The following CCDC150 variants were observed in gnomAD, a reference collection of about 807,000 sequenced individuals.
CCDC150 encodes coiled-coil domain containing 150.
A neutral mutation model predicts 156.5 loss-of-function variants in CCDC150; 151 were observed. The ratio of observed to expected loss-of-function variants is 0.97; its 90% CI spans 0.85 to 1.10. CCDC150 has a LOEUF of 1.10. CCDC150 is among the 50% of genes least tolerant of loss of function. CCDC150 has a pLI of 0.00. For synonymous variants in CCDC150, 452 were observed against 429.4 expected (o/e 1.05, Z -0.65); for missense variants, 1,312 against 1,268.1 (o/e 1.03, Z -0.53).
chr2:196,706,496 C>G (rs1209187265), intron 15 of CCDC150, among the ~76,000 whole-genome samples: 1 of 152,166 alleles, frequency 6.6e-6, no homozygotes, highest in Admixed American at 6.5e-5. Context: ...TAATTGAATA[C>G]CCTTTATTTC....
In CCDC150 at chr2:196,665,640, A is replaced by G; in HGVS notation, c.719A>G (p.Lys240Arg). The G allele has an allele frequency of 6.2e-7, 1 of 1,603,342 alleles. No homozygotes were observed. The highest frequency in any genetic ancestry group is 8.5e-7 in the Non-Finnish European group (1 of 1,175,022). The change falls in exon 6 of 28, where the codon AAA (lysine) becomes AGA (arginine). Residue 240 changes from lysine to arginine, a missense_variant. Lys to Arg is a conservative substitution (Grantham distance 26). Transcript: ENST00000389175. ...LEKSASAMLL[K>R]IQEMGSTVEV... is the part of the protein sequence containing the mutation. ...AAATCAGCATCAGCCATGCTCCTCA[A>G]AATACAAGAAATGGGATCAACAGTG...
intron 2 of CCDC150, among the ~76,000 whole-genome samples, chr2:196,651,226 T>C (rs1692854728): frequency 1.3e-5 from 2 of 152,236 alleles, no homozygotes; most frequent in Admixed American, 1.3e-4. Context: ...TTACATGTTT[T>C]TATAATGTGT....
intron 13 of CCDC150, among the ~76,000 whole-genome samples, chr2:196,688,979 C>G (rs1337464367): frequency 1.3e-5 from 2 of 152,130 alleles, no homozygotes; most frequent in Non-Finnish European, 2.9e-5. Context: ...CCAGTTTTCC[C>G]AGCACCATTT....
chr2:196,644,580 G>C (rs566457151), intron 1 of CCDC150, among the ~76,000 whole-genome samples: 3 of 152,040 alleles, frequency 2.0e-5, no homozygotes, highest in Admixed American at 2.0e-4. Context: ...AAATGTAGAG[G>C]AGCCCCACTT....
At chr2:196,649,760 T>C (rs1559213360) in intron 2 of CCDC150, among the ~76,000 whole-genome samples, 1 of 152,234 alleles carries the variant, frequency 6.6e-6, no homozygotes, top group Non-Finnish European at 1.5e-5. Flanking sequence ...TTTGGTGCTA[T>C]TGTAAATGGG....
chr2:196,713,116 G>A, intron 17 of CCDC150: 1 of 522,528 alleles, frequency 1.9e-6, no homozygotes, highest in African/African-American at 1.9e-5. Context: ...TCACAGAGTT[G>A]TTAAAGGAGG....
Position 196,729,780 on chromosome 2 carries a change from CA to C in CCDC150, c.2752-11del, listed in dbSNP as rs1378256714. ...CTGATCATCTTTTTATGTTATTTTC[CA>C]ATTACTTTTAGCAAATAGAAAAAGA... On this transcript the variant is annotated splice_polypyrimidine_tract_variant and intron_variant, in intron 23 of 27. Transcript: ENST00000389175. 6.6e-7 allele frequency: 1 copy of C among 1,510,040 alleles called. No homozygotes were observed. The highest frequency in any genetic ancestry group is 1.4e-5 in the African/African-American group (1 of 72,264). 93.5% of individuals were successfully genotyped at this position (1,510,040 alleles called of 1,614,324 possible). A position where few individuals can be genotyped will look rare whatever the true frequency, so the allele number is the denominator to read the frequency against.
chr2:196,639,766 G>A lies in CCDC150; in HGVS notation c.-1G>A. The A allele has an allele frequency of 6.3e-7, 1 of 1,579,826 alleles. No individual in the cohort carries two copies. The highest frequency in any genetic ancestry group is 8.6e-7 in the Non-Finnish European group (1 of 1,159,234). On this transcript the variant is annotated 5_prime_UTR_variant, in exon 1 of 28. Transcript: ENST00000389175. ...TGCAGTACGGAGCCTCAGGCGGACA[G>A]ATGGACTGTAAGGTGAGGCTGCCGG...
intron 17 of CCDC150, 146 bp downstream of exon 17, chr2:196,712,885 G>T: frequency 1.6e-6 from 1 of 617,910 alleles, no homozygotes; most frequent in South Asian, 2.5e-5. Context: ...CCCCAGGAAG[G>T]TGTTACCAGA....
chr2:196,718,658 C>T, intron 18 of CCDC150, 27 bp downstream of exon 18: 1 of 1,606,752 alleles, frequency 6.2e-7, no homozygotes, highest in South Asian at 1.1e-5. Context: ...TTCTGACCGT[C>T]TGTCACTGAG....
chr2:196,649,937 C>A (rs1692776644), intron 2 of CCDC150, among the ~76,000 whole-genome samples: 1 of 152,092 alleles, frequency 6.6e-6, no homozygotes, highest in South Asian at 2.1e-4. Context: ...TGTATGTCTT[C>A]AACAAAAAGA....
chr2:196,669,245 T>C (rs1694050183), intron 7 of CCDC150, among the ~76,000 whole-genome samples: 2 of 152,178 alleles, frequency 1.3e-5, no homozygotes, highest in South Asian at 4.1e-4. Context: ...AGAAAACTTG[T>C]GTTTCACTCA....
At chr2:196,702,378 A>G (rs902797314) in intron 15 of CCDC150, among the ~76,000 whole-genome samples, 1 of 55,914 alleles carries the variant, frequency 1.8e-5, no homozygotes, top group South Asian at 7.7e-4. Flanking sequence ...TGTGTGTGTG[A>G]GATGAGGTCT....
chr2:196,674,376 G>T, intron 10 of CCDC150, 28 bp downstream of exon 10: 1 of 1,416,228 alleles, frequency 7.1e-7, no homozygotes, highest in South Asian at 1.2e-5. Flanking sequence ...AAGCCAACCA[G>T]AAAGCCAGCC....
chr2:196,711,709 T>C (rs974464938), intron 15 of CCDC150, among the ~76,000 whole-genome samples: 5 of 152,202 alleles, frequency 3.3e-5, no homozygotes, highest in Non-Finnish European at 7.4e-5. Flanking sequence ...CTGCCTGTTC[T>C]CCACCCCATT....
intron 17 of CCDC150, among the ~76,000 whole-genome samples, chr2:196,716,341 A>G (rs1044931068): frequency 6.6e-6 from 1 of 152,078 alleles, no homozygotes; most frequent in Non-Finnish European, 1.5e-5. Context: ...GTAATAACTT[A>G]AAACTGGAAA....
intron 13 of CCDC150, among the ~76,000 whole-genome samples, chr2:196,681,319 A>G (rs1694805817): frequency 6.6e-6 from 1 of 152,144 alleles, no homozygotes; most frequent in Admixed American, 6.5e-5. Context: ...TGGTGATTGT[A>G]TGTATGTATG....
intron 22 of CCDC150, chr2:196,726,694 G>T (rs1452607442): frequency 6.5e-6 from 1 of 152,890 alleles, no homozygotes; most frequent in Non-Finnish European, 1.5e-5. Flanking sequence ...GGCAGGGCTG[G>T]ACACCTTATG....
intron 4 of CCDC150, 50 bp downstream of exon 4, chr2:196,657,186 G>A: frequency 1.3e-6 from 2 of 1,546,928 alleles, no homozygotes; most frequent in Non-Finnish European, 1.8e-6. Context: ...TGTGTTAGCT[G>A]GAGGAGGTAA....
Sources: gnomAD v4.1 joint callset for allele counts (sites outside exome capture counted in the v4.1 genomes callset) on GRCh38, gnomAD v4.1.1 for gene constraint, MANE v1.5 for transcripts, NCBI Gene and HGNC (gene_info 2026-07-23, HGNC 2026-07-21) for gene names.